The following ADGRB3 variants were observed in gnomAD, a reference collection of about 807,000 sequenced individuals.
The protein encoded by ADGRB3 is brain-specific angiogenesis inhibitor 3.
ADGRB3 carries 37 observed loss-of-function variants against 193.4 expected under a neutral mutation model. That is an observed-to-expected ratio of 0.19 (90% CI 0.15 to 0.25). The LOEUF is 0.25. Among genes scored for constraint, ADGRB3 ranks in the 10% least tolerant of loss-of-function variants. ADGRB3 has a pLI of 1.00. For missense variants in ADGRB3, 1,637 were observed against 1,852.9 expected (o/e 0.88, Z 2.14); for synonymous variants, 690 against 644.2 (o/e 1.07, Z -1.08).
chr6:69,119,501 G>A (rs1773625713), intron 17 of ADGRB3, among the ~76,000 whole-genome samples: 1 of 152,242 alleles, frequency 6.6e-6, no homozygotes, highest in African/African-American at 2.4e-5. Flanking sequence ...GCGAGGTGAT[G>A]TGTTAGGAAT....
intron 17 of ADGRB3, among the ~76,000 whole-genome samples, chr6:69,217,917 T>G (rs1003661058): frequency 4.0e-5 from 6 of 151,474 alleles, no homozygotes; most frequent in Admixed American, 1.3e-4. Context: ...TAAAAAAAAC[T>G]AAATGAGTAT....
chr6:69,224,639 A>G (rs1463298362), intron 17 of ADGRB3, among the ~76,000 whole-genome samples: 1 of 152,210 alleles, frequency 6.6e-6, no homozygotes, highest in Non-Finnish European at 1.5e-5. Flanking sequence ...TACATACAGA[A>G]CTAAAATGTA....
At chr6:68,638,458 AT>A (rs1197775323) in intron 2 of ADGRB3, among the ~76,000 whole-genome samples, 2 of 152,228 alleles carry the variant, frequency 1.3e-5, no homozygotes, top group African/African-American at 4.8e-5. Context: ...GAATTTGACC[AT>A]TGTGAATGGC....
intron 3 of ADGRB3, among the ~76,000 whole-genome samples, chr6:68,925,307 GT>G (rs1470364692): frequency 6.6e-6 from 1 of 151,904 alleles, no homozygotes; most frequent in African/African-American, 2.4e-5. Context: ...CCCAACTACA[GT>G]ATGCAGGAAA....
chr6:69,328,181 A>T (rs1438399658), intron 22 of ADGRB3, among the ~76,000 whole-genome samples: 1 of 152,178 alleles, frequency 6.6e-6, no homozygotes, highest in Non-Finnish European at 1.5e-5. Context: ...TAAATTGAGA[A>T]CTGGATAAGT....
intron 16 of ADGRB3, among the ~76,000 whole-genome samples, chr6:69,065,705 A>G (rs925629624): frequency 1.3e-5 from 2 of 151,468 alleles, no homozygotes; most frequent in Non-Finnish European, 2.9e-5. Context: ...AAGAAAAAAT[A>G]TATCTTAAAT....
chr6:69,349,914 T>C (rs1402183009), intron 26 of ADGRB3, among the ~76,000 whole-genome samples: 1 of 152,212 alleles, frequency 6.6e-6, no homozygotes, highest in Non-Finnish European at 1.5e-5. Context: ...GAGGTTTGTC[T>C]GAATTGCAAC....
intron 3 of ADGRB3, among the ~76,000 whole-genome samples, chr6:68,759,211 T>C (rs1257165576): frequency 6.6e-6 from 1 of 152,140 alleles, no homozygotes; most frequent in Non-Finnish European, 1.5e-5. Context: ...CTATTTATTA[T>C]TATATAGAGT....
At chr6:69,128,735 A>G (rs976452533) in intron 17 of ADGRB3, among the ~76,000 whole-genome samples, 1 of 152,128 alleles carries the variant, frequency 6.6e-6, no homozygotes, top group Non-Finnish European at 1.5e-5. Flanking sequence ...TAAACTGACT[A>G]TTTTCAGACC....
At chr6:69,383,063 CA>C (rs1769986294) in intron 31 of ADGRB3, 128 bp downstream of exon 31, 1 of 492,432 alleles carries the variant, frequency 2.0e-6, no homozygotes, top group East Asian at 3.5e-5. Flanking sequence ...TATAAGCCCC[CA>C]AAACATACTT....
At chr6:69,054,854 T>C (rs572093724) in intron 15 of ADGRB3, among the ~76,000 whole-genome samples, 7 of 152,310 alleles carry the variant, frequency 4.6e-5, no homozygotes, top group Non-Finnish European at 7.4e-5. Flanking sequence ...AACAAAGATA[T>C]TCAGCTTTAA....
intron 20 of ADGRB3, among the ~76,000 whole-genome samples, chr6:69,290,728 A>C (rs890514269): frequency 6.6e-6 from 1 of 152,298 alleles, no homozygotes; most frequent in South Asian, 2.1e-4. Context: ...ACCCTAGCTA[A>C]TAAGTTTTCT....
Position 68,958,555 on chromosome 6 carries a change from G to T in ADGRB3, c.1525+1746G>T, listed in dbSNP as rs117113063. Reference sequence around the variant, plus strand: ...TGCTGCAATCAAATTTACAGAGATTGCCACCTGCTGTTTGAAAAACATTTT... The same window carrying T: ...TGCTGCAATCAAATTTACAGAGATTTCCACCTGCTGTTTGAAAAACATTTT... On this transcript the variant is annotated intron_variant, in intron 8 of 31. Coordinates refer to ENST00000370598, the MANE Select transcript of ADGRB3 (RefSeq NM_001704.3). 2.0e-4 allele frequency among the ~76,000 whole-genome samples: 31 copies of T among 151,990 alleles called. 1 individual carries two copies.
At chr6:68,763,483 T>A (rs1416866149) in intron 3 of ADGRB3, among the ~76,000 whole-genome samples, 1 of 152,198 alleles carries the variant, frequency 6.6e-6, no homozygotes, top group East Asian at 1.9e-4. Context: ...TCATATTGCT[T>A]ATTGATTTTT....
At chr6:69,113,689 T>TA (rs1479993407) in intron 17 of ADGRB3, among the ~76,000 whole-genome samples, 33 of 152,178 alleles carry the variant, frequency 2.2e-4, no homozygotes, top group Admixed American at 2.2e-3. Flanking sequence ...AAAATAAACT[T>TA]ACATGAATGA....
intron 3 of ADGRB3, among the ~76,000 whole-genome samples, chr6:68,657,117 C>A (rs1768508080): frequency 6.6e-6 from 1 of 151,448 alleles, no homozygotes; most frequent in Non-Finnish European, 1.5e-5. Context: ...TCCACTCTTA[C>A]ATCAATCAGA....
At chr6:69,286,897 A>G (rs1767563913) in intron 20 of ADGRB3, among the ~76,000 whole-genome samples, 3 of 152,234 alleles carry the variant, frequency 2.0e-5, no homozygotes. Flanking sequence ...GTGTTCAACT[A>G]TTGACCTCTC....
At chr6:68,757,801 G>A (rs906648973) in intron 3 of ADGRB3, among the ~76,000 whole-genome samples, 2 of 152,064 alleles carry the variant, frequency 1.3e-5, no homozygotes, top group African/African-American at 4.8e-5. Context: ...TACCACCAAT[G>A]TTTCAGCCCC....
In ADGRB3 at chr6:68,750,028, G is replaced by A. The variant is rs147677501; in HGVS notation, c.757+110596G>A. ...GTTAGTGAACATCCATTTTGTGACC[G>A]TCCTTGATAATTGAAAAAAATACAT... On this transcript the variant is annotated intron_variant, in intron 3 of 31. Transcript: ENST00000370598. Among the ~76,000 whole-genome samples, 122 of 152,104 alleles carry A rather than the reference G, an allele frequency of 8.0e-4. 1 individual carries two copies. Among genetic ancestry groups the A allele is most frequent in the African/African-American group, 2.6e-3 (109 of 41,490 alleles).
Sources: gnomAD v4.1 joint callset for allele counts (sites outside exome capture counted in the v4.1 genomes callset) on GRCh38, gnomAD v4.1.1 for gene constraint, MANE v1.5 for transcripts, NCBI Gene and HGNC (gene_info 2026-07-23, HGNC 2026-07-21) for gene names.